Variants in SULF2 observed in about 807,000 individuals in gnomAD.
SULF2 encodes sulfatase 2.
A neutral mutation model predicts 107.7 loss-of-function variants in SULF2; 52 were observed. The ratio of observed to expected loss-of-function variants is 0.48; its 90% confidence interval spans 0.39 to 0.61. The LOEUF is 0.61. Among genes scored for constraint, SULF2 ranks in the 20% least tolerant of loss-of-function variants. The pLI, the probability that SULF2 is intolerant of heterozygous loss-of-function variation, is 0.00. For synonymous variants in SULF2, 460 were observed against 464.3 expected (o/e 0.99, Z 0.12); for missense variants, 993 against 1,177.3 (o/e 0.84, Z 2.29).
intron 1 of SULF2, among the ~76,000 whole-genome samples, chr20:47,772,707 C>A (rs949762357): frequency 6.6e-6 from 1 of 152,104 alleles, no homozygotes; most frequent in African/African-American, 2.4e-5. Context: ...CTCAGGTCTC[C>A]TGCCCGACCC....
chr20:47,757,008 C>T (rs6063149), intron 2 of SULF2, among the ~76,000 whole-genome samples, 181 bp downstream of exon 2: 21,638 of 152,138 alleles, frequency 0.14, 1,938 homozygotes, highest in South Asian at 0.38. Flanking sequence ...GGGTAGAGAC[C>T]CCTAACCTTG....
At chr20:47,751,649 T>C (rs2090160426) in intron 2 of SULF2, among the ~76,000 whole-genome samples, 1 of 152,088 alleles carries the variant, frequency 6.6e-6, no homozygotes, top group Admixed American at 6.6e-5. Context: ...GAGACAAAGC[T>C]CCTAGATCCA....
intron 1 of SULF2, among the ~76,000 whole-genome samples, chr20:47,771,562 A>T (rs2090631133): frequency 6.6e-6 from 1 of 152,158 alleles, no homozygotes; most frequent in East Asian, 1.9e-4. Flanking sequence ...AGAGGCAAGA[A>T]ATTTTCCAAC....
chr20:47,748,936 C>T (rs911791773), intron 2 of SULF2, among the ~76,000 whole-genome samples: 3 of 152,160 alleles, frequency 2.0e-5, no homozygotes, highest in Non-Finnish European at 4.4e-5. Context: ...TTTGCATGTG[C>T]TTTATAATTC....
intron 10 of SULF2, among the ~76,000 whole-genome samples, chr20:47,674,379 G>T (rs1035980691): frequency 2.6e-5 from 4 of 152,236 alleles, no homozygotes; most frequent in Non-Finnish European, 5.9e-5. Flanking sequence ...TCCACCACTT[G>T]AAGCTGTGAG....
intron 7 of SULF2, among the ~76,000 whole-genome samples, chr20:47,681,841 T>C (rs2087832763): frequency 6.6e-6 from 1 of 152,150 alleles, no homozygotes; most frequent in Non-Finnish European, 1.5e-5. Flanking sequence ...TACGCCACCA[T>C]GTCCAGCTAA....
rs908764747 is a variant in SULF2, at chr20:47,658,265, A to G, written c.*97T>C. 6 of 1,350,330 alleles carry G rather than the reference A, an allele frequency of 4.4e-6. No individual in the cohort carries two copies. The highest frequency in any genetic ancestry group is 2.3e-5 in the South Asian group (2 of 85,818). The allele number at this position is 1,350,330 out of a possible 1,614,324, so 83.6% of individuals were successfully genotyped here. On this transcript the variant is annotated 3_prime_UTR_variant, in exon 21 of 21. Coordinates refer to ENST00000688720, the MANE Select transcript of SULF2 (RefSeq NM_001387048.1). ...CTTGCTTTCTCAGGCCTCCTGGCCA[A>G]TACCACAGGTCTGCTGGAAATCACC...
At chr20:47,717,493 C>G (rs954405356) in intron 3 of SULF2, among the ~76,000 whole-genome samples, 35 of 152,306 alleles carry the variant, frequency 2.3e-4, no homozygotes, top group African/African-American at 7.9e-4. Flanking sequence ...GAAGAGGGAA[C>G]AGCAGAGGGA....
chr20:47,710,970 C>T (rs921102317), intron 3 of SULF2, among the ~76,000 whole-genome samples: 9 of 152,190 alleles, frequency 5.9e-5, no homozygotes, highest in Non-Finnish European at 1.0e-4. Flanking sequence ...GTAATAATTG[C>T]ATTTGTGGTC....
chr20:47,685,672 A>G (rs1475839699), intron 5 of SULF2: 2 of 152,106 alleles, frequency 1.3e-5, no homozygotes, highest in African/African-American at 4.8e-5. Flanking sequence ...GTGTCAACAC[A>G]CCTGGCTAAT....
chr20:47,666,553 G>A lies in SULF2; in HGVS notation c.1577-65C>T. The A allele has an allele frequency of 7.5e-7, 1 of 1,327,410 alleles. No individual in the cohort carries two copies. The highest frequency in any genetic ancestry group is 1.3e-5 in the South Asian group (1 of 79,892). The allele number at this position is 1,327,410 out of a possible 1,614,324, so 82.2% of individuals were successfully genotyped here. ...AAAGGCTGGCCAGGCTCCCAGGGCAGTGGGTCCTTCATCAAGATAGGGCCG... is the reference window on the plus strand; with the variant it reads ...AAAGGCTGGCCAGGCTCCCAGGGCAATGGGTCCTTCATCAAGATAGGGCCG... On this transcript the variant is annotated intron_variant, in intron 11 of 20. Coordinates refer to ENST00000688720, the MANE Select transcript of SULF2 (RefSeq NM_001387048.1). The surrounding 1 kb of genome is among the most constrained non-coding windows in gnomAD (Gnocchi z 5.4).
chr20:47,684,658 G>C (rs41308721), intron 5 of SULF2, 77 bp from the exon 6 acceptor site: 33,135 of 1,491,654 alleles, frequency 0.022, 445 homozygotes, highest in Non-Finnish European at 0.026. Context: ...AGACCCGCCC[G>C]GATGAGCAGC....
chr20:47,709,270 C>T (rs1013996945), intron 3 of SULF2, among the ~76,000 whole-genome samples: 9 of 151,744 alleles, frequency 5.9e-5, no homozygotes, highest in Admixed American at 2.0e-4. Context: ...TGGGGGCTGG[C>T]GTGGGGGTGG....
At chr20:47,664,509 C>A (rs1048432846) in intron 14 of SULF2, among the ~76,000 whole-genome samples, 2 of 152,192 alleles carry the variant, frequency 1.3e-5, no homozygotes, top group Non-Finnish European at 2.9e-5. Flanking sequence ...TTTTTCCTTT[C>A]TTTTTTGATG....
Position 47,694,836 on chromosome 20 carries a change from T to C in SULF2, c.568-4541A>G, listed in dbSNP as rs909392193. On this transcript the variant is annotated intron_variant, in intron 4 of 20. Coordinates refer to ENST00000688720, the MANE Select transcript of SULF2 (RefSeq NM_001387048.1). This position sits in a 1 kb window ranked among gnomAD's most constrained non-coding sequence, Gnocchi z 4.4. Reference sequence around the variant, plus strand: ...CCAGACAACTCGTAATGAATGATCATAGGCTCTTCATGTTATCAAATACCT... The same window carrying C: ...CCAGACAACTCGTAATGAATGATCACAGGCTCTTCATGTTATCAAATACCT... Among the ~76,000 whole-genome samples, 1 of 152,246 alleles carries C rather than the reference T, an allele frequency of 6.6e-6. No individual in the cohort carries two copies. Among genetic ancestry groups the C allele is most frequent in the Non-Finnish European group, 1.5e-5 (1 of 68,040 alleles).
chr20:47,698,906 C>T (rs2088473152), intron 4 of SULF2, among the ~76,000 whole-genome samples: 1 of 152,134 alleles, frequency 6.6e-6, no homozygotes, highest in Non-Finnish European at 1.5e-5. Flanking sequence ...TGGTGCATGC[C>T]TGTAATCCCA....
intron 3 of SULF2, among the ~76,000 whole-genome samples, chr20:47,723,457 C>G (rs934741152): frequency 5.9e-5 from 9 of 152,192 alleles, no homozygotes; most frequent in Non-Finnish European, 1.3e-4. Context: ...TCCCCAACCC[C>G]TGGGCTGCAG....
rs190530542 is a variant in SULF2, at chr20:47,762,327, A to G, written c.-100-4864T>C. On this transcript the variant is annotated intron_variant, in intron 1 of 20. Transcript: ENST00000688720. ...CCGATGGGGTGCCCTACAAATAGCA[A>G]CTCTCTGAAACCAGAAACCAATCAC... 2.0e-4 allele frequency among the ~76,000 whole-genome samples: 30 copies of G among 152,202 alleles called. 1 individual carries two copies. Among genetic ancestry groups the G allele is most frequent in the African/African-American group, 7.2e-4 (30 of 41,516 alleles).
At chr20:47,765,281 G>C (rs1407109965) in intron 1 of SULF2, among the ~76,000 whole-genome samples, 1 of 151,846 alleles carries the variant, frequency 6.6e-6, no homozygotes, top group Non-Finnish European at 1.5e-5. Flanking sequence ...CGTGAACTCA[G>C]AGGTGGAGCC....
Sources: allele counts gnomAD v4.1 joint callset (sites outside exome capture counted in the v4.1 genomes callset), GRCh38; gene constraint gnomAD v4.1.1; non-coding constraint Gnocchi (gnomAD v3.1); transcripts MANE v1.5; gene names NCBI Gene and HGNC (gene_info 2026-07-23, HGNC 2026-07-21).